Variants in KIF3A observed in about 807,000 individuals in gnomAD.
The protein encoded by KIF3A is kinesin-like protein KIF3A.
Under a neutral mutation model 92.6 loss-of-function variants are expected in KIF3A, and 27 were observed. The observed-to-expected ratio is 0.29, with a 90% CI of 0.21 to 0.40. The LOEUF is 0.40. KIF3A is among the 10% of genes least tolerant of loss of function. The probability of loss-of-function intolerance (pLI) is 1.00; values close to 1 mark genes in which losing one functional copy is unlikely to be tolerated. For synonymous variants in KIF3A, 250 were observed against 275.4 expected, an observed-to-expected ratio of 0.91 and a Z score of 0.92; for missense variants, 581 against 872.6, an observed-to-expected ratio of 0.67 and a Z score of 4.21.
Position 132,710,969 on chromosome 5 carries a change from T to G in KIF3A, c.1218A>C (p.Lys406Asn). Residue 406 changes from lysine to asparagine, a missense_variant, in exon 9 of 19, where the codon AAA becomes AAC. This residue lies in a region of KIF3A where 167 missense variants were observed against 205.8 expected (regional missense o/e 0.81). Coordinates refer to ENST00000403231, the MANE Select transcript of KIF3A (RefSeq NM_001300791.2). ...CTAAACAGAACTTACCCCTTCTTTT[T>G]TTCCTTTTCTCTCCATCTTCTCCAA... ...GEVGEDGEKR[K>N]KRRGSSSSSS... 1 of 1,613,772 alleles carries G rather than the reference T, an allele frequency of 6.2e-7. No homozygotes were observed. Among genetic ancestry groups the G allele is most frequent in the African/African-American group, 1.3e-5 (1 of 75,024 alleles).
chr5:132,726,754 C>T (rs900697929), intron 2 of KIF3A, among the ~76,000 whole-genome samples: 1 of 152,214 alleles, frequency 6.6e-6, no homozygotes, highest in Admixed American at 6.5e-5. Context: ...ATGCAAAAAT[C>T]TTCCAGTATA....
chr5:132,720,305 C>A (rs1253770916), intron 5 of KIF3A, among the ~76,000 whole-genome samples: 1 of 152,212 alleles, frequency 6.6e-6, no homozygotes, highest in Non-Finnish European at 1.5e-5. Context: ...TTAGCACAAG[C>A]ACTCTCCACT....
downstream of KIF3A, among the ~76,000 whole-genome samples, chr5:132,691,916 A>G (rs982531176): frequency 1.4e-4 from 21 of 150,966 alleles, no homozygotes; most frequent in African/African-American, 5.1e-4. Flanking sequence ...AAATAAGATA[A>G]ATAAAATAAA....
intron 18 of KIF3A, 133 bp from the exon 19 acceptor site, chr5:132,696,815 A>G (rs1224643829): frequency 3.1e-6 from 2 of 636,660 alleles, no homozygotes; most frequent in Non-Finnish European, 5.6e-6. Flanking sequence ...ACGTTTGACC[A>G]TGGTAAGTGT....
At chr5:132,729,962 G>A (rs1024117228) in intron 2 of KIF3A, among the ~76,000 whole-genome samples, 3 of 151,996 alleles carry the variant, frequency 2.0e-5, no homozygotes, top group African/African-American at 7.2e-5. Flanking sequence ...GGTTCTCTGA[G>A]AAGATCGATA....
chr5:132,736,190 A>T (rs1478369455), intron 1 of KIF3A, among the ~76,000 whole-genome samples: 1 of 152,248 alleles, frequency 6.6e-6, no homozygotes, highest in Non-Finnish European at 1.5e-5. Flanking sequence ...GGTTGCAAAC[A>T]GGTAGTCAAG....
At chr5:132,706,528 A>G in intron 10 of KIF3A, 69 bp from the exon 11 acceptor site, 5 of 1,272,758 alleles carry the variant, frequency 3.9e-6, no homozygotes, top group Non-Finnish European at 5.4e-6. Flanking sequence ...GAGGAAAAAA[A>G]GGAAAACATT....
At chr5:132,705,474 A>G (rs1415844839) in intron 11 of KIF3A, among the ~76,000 whole-genome samples, 2 of 152,040 alleles carry the variant, frequency 1.3e-5, no homozygotes, top group Non-Finnish European at 2.9e-5. Context: ...AACAGTTTCA[A>G]AACCCATTAA....
chr5:132,690,656 G>A (rs946067596), downstream of KIF3A, among the ~76,000 whole-genome samples: 2 of 33,152 alleles, frequency 6.0e-5, no homozygotes, highest in Admixed American at 3.1e-4. Context: ...GGCCGGGCGC[G>A]GTGGCTCATG....
At chr5:132,700,808 CATT>C in intron 15 of KIF3A, 108 bp from the exon 16 acceptor site, 1 of 662,500 alleles carries the variant, frequency 1.5e-6, no homozygotes, top group East Asian at 2.8e-5. Context: ...AGTCTCAAAA[CATT>C]ATATACTGAT....
Position 132,703,465 on chromosome 5 carries a change from G to C in KIF3A, c.1464C>G (p.Ala488=). The C allele has an allele frequency of 1.2e-6, 2 of 1,602,916 alleles. No individual in the cohort carries two copies. Among genetic ancestry groups the C allele is most frequent in the Non-Finnish European group, 1.7e-6 (2 of 1,173,954 alleles). ...LEKREKDLLK[A]QQEHQSLLEK... ...CATCTCAATTCAATAATACTCACTG[G>C]GCTTTAAGAAGATCTTTTTCCCGTT... is the stretch of plus-strand genomic sequence containing the variant. Residue 488 remains alanine (A), a splice_region_variant and synonymous_variant, in exon 12 of 19, where the codon GCC becomes GCG. Transcript: ENST00000403231.
At chr5:132,717,336 C>CT in intron 5 of KIF3A, among the ~76,000 whole-genome samples, 1 of 152,086 alleles carries the variant, frequency 6.6e-6, no homozygotes, top group East Asian at 1.9e-4. Context: ...TGCTGGTGTA[C>CT]TGCAGGAAGT....
At chr5:132,700,509 A>G in intron 16 of KIF3A, 138 bp downstream of exon 16, 1 of 673,306 alleles carries the variant, frequency 1.5e-6, no homozygotes, top group Non-Finnish European at 2.6e-6. Flanking sequence ...GGAATTAGAA[A>G]AATATTTTAT....
chr5:132,714,802 CA>C (rs767426519), intron 8 of KIF3A, among the ~76,000 whole-genome samples: 18 of 151,984 alleles, frequency 1.2e-4, no homozygotes, highest in Non-Finnish European at 1.9e-4. Context: ...TATTTTACCA[CA>C]ACAAAAAAAT....
intron 10 of KIF3A, among the ~76,000 whole-genome samples, chr5:132,706,777 A>G (rs1753226326): frequency 6.6e-6 from 1 of 152,180 alleles, no homozygotes; most frequent in Non-Finnish European, 1.5e-5. Flanking sequence ...GTTCAACACC[A>G]TGTGGTTATG....
intron 15 of KIF3A, among the ~76,000 whole-genome samples, 194 bp downstream of exon 15, chr5:132,701,893 G>A (rs547310376): frequency 4.5e-4 from 69 of 152,250 alleles, no homozygotes; most frequent in Non-Finnish European, 8.2e-4. Flanking sequence ...ATCTGAGTTC[G>A]TCTAAAAGGC....
In KIF3A at chr5:132,709,687, A is replaced by G. The variant is rs373390378; in HGVS notation, c.1229-709T>C. 2.0e-4 allele frequency among the ~76,000 whole-genome samples: 30 copies of G among 152,354 alleles called. No homozygotes were observed. The South Asian group carries it at 5.6e-3, about 28-fold the overall frequency. On this transcript the variant is annotated intron_variant, in intron 9 of 18. Coordinates refer to ENST00000403231, the MANE Select transcript of KIF3A (RefSeq NM_001300791.2). The stretch of plus-strand genomic sequence containing the variant: ...GGTGTGAACAAAAAAAATTTCTCTA[A>G]ATCAGGCAAACGTTTTCTGCAAAAG...
At chr5:132,712,544 C>T (rs1753463828) in intron 8 of KIF3A, among the ~76,000 whole-genome samples, 1 of 152,162 alleles carries the variant, frequency 6.6e-6, no homozygotes, top group African/African-American at 2.4e-5. Context: ...TAGAAAATAA[C>T]ATTGAGCAAA....
chr5:132,711,078 A>T, intron 8 of KIF3A, 21 bp from the exon 9 acceptor site: 1 of 1,605,782 alleles, frequency 6.2e-7, no homozygotes, highest in East Asian at 2.2e-5. Flanking sequence ...AATTTAATAC[A>T]ATGTTTTTTA....
Sources: gnomAD v4.1 joint callset for allele counts (sites outside exome capture counted in the v4.1 genomes callset) on GRCh38, gnomAD v4.1.1 for gene constraint, gnomAD v4.1.1 regional missense constraint, MANE v1.5 for transcripts, NCBI Gene and HGNC (gene_info 2026-07-23, HGNC 2026-07-21) for gene names.